The following CHST15 variants were observed in gnomAD, a reference collection of about 807,000 sequenced individuals.
CHST15 encodes carbohydrate sulfotransferase 15, also known as B cell RAG associated protein (GALNAC4S-6ST).
A neutral mutation model predicts 53.6 loss-of-function variants in CHST15; 30 were observed. That is an observed-to-expected ratio of 0.56 (90% CI 0.42 to 0.76). The LOEUF (loss-of-function observed/expected upper bound fraction) is 0.76. CHST15 is among the 30% of genes least tolerant of loss of function. The pLI is 0.00. For synonymous variants in CHST15, 296 were observed against 289.8 expected (o/e 1.02, Z -0.22); for missense variants, 627 against 740.5 (o/e 0.85, Z 1.78).
In CHST15 at chr10:124,060,920, G is replaced by A. The variant is rs113325753; in HGVS notation, c.-512-14196C>T. On this transcript the variant is annotated intron_variant, in intron 1 of 7. Coordinates refer to ENST00000435907, the MANE Select transcript of CHST15 (RefSeq NM_001270764.2). Reference sequence around the variant, plus strand: ...GAGAAGCACTGGTGTAGGGAGAAAGGGAAAGGAACCAGGATGAGCTGCCAT... The same window carrying A: ...GAGAAGCACTGGTGTAGGGAGAAAGAGAAAGGAACCAGGATGAGCTGCCAT... Among the ~76,000 whole-genome samples the A allele has an allele frequency of 4.2e-3, 639 of 152,162 alleles. 5 individuals carry two copies. The highest frequency in any genetic ancestry group is 0.015 in the African/African-American group (609 of 41,496).
rs1406004005 is a variant in CHST15 at position 124,019,026 on chromosome 10, G to A, written c.1347+2230C>T. Among the ~76,000 whole-genome samples the A allele has an allele frequency of 6.6e-6, 1 of 152,218 alleles. No individual in the cohort carries two copies. The highest frequency in any genetic ancestry group is 1.5e-5 in the Non-Finnish European group (1 of 68,042). On this transcript the variant is annotated intron_variant, in intron 6 of 7. Transcript: ENST00000435907. The surrounding 1 kb of genome is among the most constrained non-coding windows in gnomAD (Gnocchi z 4.6). The stretch of plus-strand genomic sequence containing the variant: ...TGACCCATAATAGCCCTGGCTCTGA[G>A]CTGCTGCTATTACTGTTTATGCCAG...
chr10:124,050,953 T>C (rs1948170366), intron 1 of CHST15, among the ~76,000 whole-genome samples: 1 of 152,090 alleles, frequency 6.6e-6, no homozygotes. Context: ...ATATTCTTTT[T>C]TTTGTTTTGA....
Position 124,038,517 on chromosome 10 carries a change from C to T in CHST15, c.1188G>A (p.Glu396=), listed in dbSNP as rs1947608377. The T allele has an allele frequency of 6.2e-7, 1 of 1,614,156 alleles. No individual in the cohort carries two copies. The highest frequency in any genetic ancestry group is 1.3e-5 in the African/African-American group (1 of 75,064). ...TACAACACACAGAAACTGCTCACCT[C>T]TCCACAGGGTCCCTGAGCATGACAA... is the stretch of plus-strand genomic sequence containing the variant. ...RLIVMLRDPV[E]RLYSDYLYFA... Residue 396 remains glutamate, a splice_region_variant and synonymous_variant, in exon 5 of 8, where the codon GAG becomes GAA. Transcript: ENST00000435907.
At chr10:124,015,589 G>A (rs1030804107) in intron 6 of CHST15, among the ~76,000 whole-genome samples, 3 of 151,870 alleles carry the variant, frequency 2.0e-5, no homozygotes, top group Non-Finnish European at 2.9e-5. Context: ...GAGCCTCTCC[G>A]TCCCCTACTA....
intron 1 of CHST15, among the ~76,000 whole-genome samples, chr10:124,067,867 G>A (rs1189751661): frequency 3.3e-5 from 5 of 152,010 alleles, no homozygotes; most frequent in African/African-American, 9.7e-5. Context: ...CGCTGGCCTC[G>A]GCCTCCCAGA....
chr10:124,054,333 A>C (rs1948303415), intron 1 of CHST15, among the ~76,000 whole-genome samples: 1 of 152,218 alleles, frequency 6.6e-6, no homozygotes, highest in Non-Finnish European at 1.5e-5. Context: ...GCAGTTTTTT[A>C]AGCTTATTTT....
chr10:124,047,782 G>C (rs1033110524), intron 1 of CHST15, among the ~76,000 whole-genome samples: 1 of 152,192 alleles, frequency 6.6e-6, no homozygotes, highest in African/African-American at 2.4e-5. Context: ...GATAATAATA[G>C]CATCATCAAC....
chr10:124,081,300 A>T (rs770118935), intron 1 of CHST15, among the ~76,000 whole-genome samples: 11 of 152,330 alleles, frequency 7.2e-5, no homozygotes, highest in Admixed American at 3.9e-4. Context: ...AAGTTCCCTC[A>T]GCGTTTCTTA....
Position 124,042,400 on chromosome 10 carries a change from C to G in CHST15, c.934G>C (p.Asp312His). The G allele has an allele frequency of 6.2e-7, 1 of 1,614,256 alleles. No individual in the cohort carries two copies. Among genetic ancestry groups the G allele is most frequent in the Non-Finnish European group, 8.5e-7 (1 of 1,180,042 alleles). ...GCCAGGTCAAAGAGGTCCAGATAAT[C>G]TTCCACGGGATAGCGGTCTCGCAGC... ...DGLRDRYPVEDYLDLFDLAAH... is the reference protein window; with the variant it reads ...DGLRDRYPVEHYLDLFDLAAH... The change falls in exon 4 of 8, where the codon GAT becomes CAT. Residue 312 changes from aspartate (D) to histidine (H), a missense_variant. By Grantham distance (81) the Asp-to-His change is moderately conservative. This residue lies in a region of CHST15 where 279 missense variants were observed against 371.6 expected (regional missense o/e 0.75). Coordinates refer to ENST00000435907, the MANE Select transcript of CHST15 (RefSeq NM_001270764.2).
chr10:124,014,097 C>T (rs1049402220), intron 6 of CHST15, among the ~76,000 whole-genome samples: 3 of 152,242 alleles, frequency 2.0e-5, no homozygotes, highest in African/African-American at 4.8e-5. Context: ...CTCATACATG[C>T]AGCACTTCCT....
intron 4 of CHST15, among the ~76,000 whole-genome samples, chr10:124,040,539 C>T (rs1004716787): frequency 6.6e-6 from 1 of 152,188 alleles, no homozygotes; most frequent in Non-Finnish European, 1.5e-5. Context: ...GAAGAAAGGT[C>T]CTCTCTGACC....
At chr10:124,070,266 C>CCAAGGAAATG (rs1948872894) in intron 1 of CHST15, among the ~76,000 whole-genome samples, 1 of 152,232 alleles carries the variant, frequency 6.6e-6, no homozygotes, top group Non-Finnish European at 1.5e-5. Context: ...AAGGGAAATG[C>CCAAGGAAATG]ATATGCCCAC....
chr10:124,007,688 C>A lies in CHST15; in HGVS notation c.*2461G>T. The A allele has an allele frequency of 8.2e-7, 1 of 1,219,364 alleles. No individual in the cohort carries two copies. The allele number at this position is 1,219,364 out of a possible 1,614,324, so 75.5% of individuals were successfully genotyped here. A position where few individuals can be genotyped will look rare whatever the true frequency, so the allele number is the denominator to read the frequency against. ...AGAGCTTGGCTGCAGAGGAAGAGCA[C>A]GCGCTCCACAGGCGTCACTCTTATG... On this transcript the variant is annotated 3_prime_UTR_variant, in exon 8 of 8. Transcript: ENST00000435907.
chr10:124,010,126 C>G lies in CHST15; in HGVS notation c.*23G>C. 6.2e-7 allele frequency: 1 copy of G among 1,611,016 alleles called. No homozygotes were observed. The highest frequency in any genetic ancestry group is 8.5e-7 in the Non-Finnish European group (1 of 1,179,390). On this transcript the variant is annotated 3_prime_UTR_variant, in exon 8 of 8. Transcript: ENST00000435907. ...ATGATGACGGCATTGGCGGGCCCAG[C>G]ACGTGCAGCAACAATTCAGCTCTCA...
Position 124,008,384 on chromosome 10 carries a change from T to A in CHST15, c.*1765A>T, listed in dbSNP as rs1453828042. ...GCGCGCACTGTACTGCAAATAAATA[T>A]ACACACACACTGAAGTGATCTCTCC... On this transcript the variant is annotated 3_prime_UTR_variant, in exon 8 of 8. Coordinates refer to ENST00000435907, the MANE Select transcript of CHST15 (RefSeq NM_001270764.2). 2 of 1,006,476 alleles carry A rather than the reference T, an allele frequency of 2.0e-6. No individual in the cohort carries two copies. Among genetic ancestry groups the A allele is most frequent in the Admixed American group, 5.8e-5 (1 of 17,232 alleles). 62.3% of individuals were successfully genotyped at this position (1,006,476 alleles called of 1,614,324 possible).
At position 124,038,596 on chromosome 10, in the gene CHST15, G is replaced by A. The variant is rs756861563; in HGVS notation, c.1109C>T (p.Pro370Leu). Residue 370 changes from proline (P) to leucine (L), a missense_variant, in exon 5 of 8, where the codon CCA becomes CTA. By Grantham distance (98) the Pro-to-Leu change is moderately conservative. Transcript: ENST00000435907. ...GATGAAGTCCTGCGTCAGAAACGGT[G>A]GCTCGCCATCCGTGCTGTTGTCGTA... ...FFYDNSTDGEPPFLTQDFIHA... is the reference protein window; with the variant it reads ...FFYDNSTDGELPFLTQDFIHA... 3 of 1,614,156 alleles carry A rather than the reference G, an allele frequency of 1.9e-6. No individual in the cohort carries two copies. Among genetic ancestry groups the A allele is most frequent in the Admixed American group, 1.7e-5 (1 of 60,030 alleles).
intron 1 of CHST15, among the ~76,000 whole-genome samples, chr10:124,050,705 G>A (rs948433518): frequency 2.6e-5 from 4 of 152,210 alleles, no homozygotes; most frequent in African/African-American, 7.2e-5. Context: ...GACGTTGGAG[G>A]AGAAACCTGA....
intron 1 of CHST15, among the ~76,000 whole-genome samples, chr10:124,065,052 A>C (rs1948713440): frequency 6.6e-6 from 1 of 152,220 alleles, no homozygotes; most frequent in Admixed American, 6.5e-5. Context: ...CCAGTCATAA[A>C]GACAGAATGC....
chr10:124,054,636 C>T (rs1159125825), intron 1 of CHST15, among the ~76,000 whole-genome samples: 1 of 152,170 alleles, frequency 6.6e-6, no homozygotes. Flanking sequence ...GGCAGACCTG[C>T]ATTTCAACCC....
Sources: gnomAD v4.1 joint callset for allele counts (sites outside exome capture counted in the v4.1 genomes callset) on GRCh38, gnomAD v4.1.1 for gene constraint, gnomAD v4.1.1 regional missense constraint, Gnocchi (gnomAD v3.1) non-coding constraint, MANE v1.5 for transcripts, NCBI Gene and HGNC (gene_info 2026-07-23, HGNC 2026-07-21) for gene names.